Variants in FHOD3 observed in about 807,000 individuals in gnomAD.
FHOD3 encodes FH1/FH2 domain-containing protein 3.
Under a neutral mutation model 173.0 loss-of-function variants are expected in FHOD3, and 90 were observed. That is an observed-to-expected ratio of 0.52 (90% CI 0.44 to 0.62). The LOEUF (loss-of-function observed/expected upper bound fraction) is 0.62. Ranked by LOEUF, FHOD3 falls within the 20% of genes least tolerant of loss-of-function variation. FHOD3 has a pLI of 0.00. For synonymous variants in FHOD3, 828 were observed against 823.0 expected (o/e 1.01, Z -0.10); for missense variants, 1,945 against 2,034.7 (o/e 0.96, Z 0.85).
chr18:36,593,087 C>G (rs1406345476), intron 6 of FHOD3, among the ~76,000 whole-genome samples: 1 of 152,202 alleles, frequency 6.6e-6, no homozygotes, highest in Non-Finnish European at 1.5e-5. Flanking sequence ...AGGAGCCACT[C>G]AGGAGACTTT....
At chr18:36,410,009 A>G (rs2049272967) in intron 3 of FHOD3, among the ~76,000 whole-genome samples, 1 of 152,224 alleles carries the variant, frequency 6.6e-6, no homozygotes. Flanking sequence ...AGGGCTTTAC[A>G]AGCTGTAATT....
intron 3 of FHOD3, among the ~76,000 whole-genome samples, chr18:36,412,690 T>G (rs993337810): frequency 2.0e-5 from 3 of 152,232 alleles, no homozygotes; most frequent in Non-Finnish European, 4.4e-5. Flanking sequence ...TTTGCTACAA[T>G]CATTTCAGGC....
Position 36,355,570 on chromosome 18 carries a change from A to G in FHOD3, c.197A>G (p.Asn66Ser), listed in dbSNP as rs375600648. 2.7e-5 allele frequency: 44 copies of G among 1,614,010 alleles called. No homozygotes were observed. Among genetic ancestry groups the G allele is most frequent in the Non-Finnish European group, 8.5e-6 (10 of 1,179,998 alleles). ...GACTGTACTCTGCAGCTCTCTCACA[A>G]TGGCGCCTACCTGGATTTGGAGGCC... Reference protein sequence around the residue: ...LDDCTLQLSHNGAYLDLEATL... With the variant: ...LDDCTLQLSHSGAYLDLEATL... Residue 66 changes from asparagine (N) to serine (S), a missense_variant, in exon 2 of 29, where the codon AAT (asparagine) becomes AGT (serine). Around this residue, in one of 5 missense-constraint regions of FHOD3, gnomAD observed 245 missense variants for 267.7 expected, o/e 0.92. Transcript: ENST00000590592.
rs192480936 is a variant in FHOD3 at position 36,561,676 on chromosome 18, C to G, written c.512-14775C>G. Reference sequence around the variant, plus strand: ...TTATTTCTAAAATGTTTTCATCACCCCAAACAGAAATTATATACCCATTAG... The same window carrying G: ...TTATTTCTAAAATGTTTTCATCACCGCAAACAGAAATTATATACCCATTAG... On this transcript the variant is annotated intron_variant, in intron 5 of 28. Coordinates refer to ENST00000590592, the MANE Select transcript of FHOD3 (RefSeq NM_001281740.3). Among the ~76,000 whole-genome samples the G allele has an allele frequency of 1.8e-4, 27 of 152,134 alleles. 1 individual carries two copies. Among genetic ancestry groups the G allele is most frequent in the Admixed American group, 1.6e-3 (24 of 15,290 alleles).
chr18:36,557,537 C>T (rs1409584439), intron 5 of FHOD3, among the ~76,000 whole-genome samples: 1 of 152,140 alleles, frequency 6.6e-6, no homozygotes, highest in African/African-American at 2.4e-5. Context: ...TTTGAATATA[C>T]AGAATACTTT....
At chr18:36,440,385 C>T (rs1192441239) in intron 3 of FHOD3, among the ~76,000 whole-genome samples, 1 of 152,224 alleles carries the variant, frequency 6.6e-6, no homozygotes, top group African/African-American at 2.4e-5. Flanking sequence ...GGCTGCTGAT[C>T]TCCCACTCCC....
chr18:36,636,192 G>A (rs891082646), intron 10 of FHOD3, among the ~76,000 whole-genome samples: 3 of 152,120 alleles, frequency 2.0e-5, no homozygotes, highest in African/African-American at 7.2e-5. Context: ...TCTAAGGCTC[G>A]ATTTTTGCTG....
chr18:36,611,697 C>G (rs375559808), intron 8 of FHOD3, among the ~76,000 whole-genome samples: 8 of 152,272 alleles, frequency 5.3e-5, no homozygotes, highest in African/African-American at 1.7e-4. Context: ...GGAGTGCCCC[C>G]CTCTCATGGG....
intron 3 of FHOD3, among the ~76,000 whole-genome samples, chr18:36,495,689 T>C (rs527243320): frequency 6.6e-6 from 1 of 152,274 alleles, no homozygotes; most frequent in South Asian, 2.1e-4. Flanking sequence ...GGAGGGTCAG[T>C]GGACCTGCAA....
intron 9 of FHOD3, among the ~76,000 whole-genome samples, chr18:36,620,753 T>G (rs938238529): frequency 2.0e-5 from 3 of 152,290 alleles, no homozygotes; most frequent in African/African-American, 4.8e-5. Flanking sequence ...TAACTCAAGC[T>G]GTGACAACTG....
At chr18:36,342,327 A>G (rs2045664257) in intron 1 of FHOD3, among the ~76,000 whole-genome samples, 1 of 152,126 alleles carries the variant, frequency 6.6e-6, no homozygotes, top group African/African-American at 2.4e-5. Flanking sequence ...AATTTTCTAA[A>G]ATCAACAAAT....
intron 1 of FHOD3, among the ~76,000 whole-genome samples, chr18:36,311,546 A>G (rs560717235): frequency 1.3e-5 from 2 of 152,246 alleles, no homozygotes; most frequent in Non-Finnish European, 1.5e-5. Context: ...TATTTTTTGT[A>G]TGTCACAGGA....
chr18:36,364,796 A>G (rs2046815311), intron 2 of FHOD3, among the ~76,000 whole-genome samples: 2 of 152,218 alleles, frequency 1.3e-5, no homozygotes. Flanking sequence ...GACATTTCAA[A>G]GAATGGGCGG....
intron 26 of FHOD3, among the ~76,000 whole-genome samples, 153 bp downstream of exon 26, chr18:36,759,294 A>G (rs1186016693): frequency 6.6e-6 from 1 of 152,168 alleles, no homozygotes; most frequent in African/African-American, 2.4e-5. Context: ...GTGATCACTA[A>G]CCACCTGACA....
intron 7 of FHOD3, among the ~76,000 whole-genome samples, chr18:36,600,125 TAGG>T (rs1568477900): frequency 6.6e-6 from 1 of 152,100 alleles, no homozygotes; most frequent in Non-Finnish European, 1.5e-5. Flanking sequence ...CCAGAGGCCT[TAGG>T]AGCTCCAGAT....
At chr18:36,576,147 C>A (rs933211557) in intron 5 of FHOD3, among the ~76,000 whole-genome samples, 1 of 152,182 alleles carries the variant, frequency 6.6e-6, no homozygotes, top group Non-Finnish European at 1.5e-5. Context: ...TCTGGGACTA[C>A]ACACAGATAT....
chr18:36,472,569 C>T (rs1271104916), intron 3 of FHOD3, among the ~76,000 whole-genome samples: 2 of 152,188 alleles, frequency 1.3e-5, no homozygotes, highest in Non-Finnish European at 2.9e-5. Flanking sequence ...TCCTCATCCC[C>T]ATCTTTTCCT....
chr18:36,319,203 T>C (rs796584246), intron 1 of FHOD3, among the ~76,000 whole-genome samples: 3 of 152,200 alleles, frequency 2.0e-5, no homozygotes, highest in African/African-American at 7.2e-5. Context: ...CAAGACCCAT[T>C]GGTGTGCTGA....
At chr18:36,400,159 G>C (rs1049806633) in intron 3 of FHOD3, among the ~76,000 whole-genome samples, 1 of 152,054 alleles carries the variant, frequency 6.6e-6, no homozygotes, top group African/African-American at 2.4e-5. Context: ...TAGTTTTCAA[G>C]GTTTATTTTT....
Sources: gnomAD v4.1 joint callset for allele counts (sites outside exome capture counted in the v4.1 genomes callset) on GRCh38, gnomAD v4.1.1 for gene constraint, gnomAD v4.1.1 regional missense constraint, MANE v1.5 for transcripts, NCBI Gene and HGNC (gene_info 2026-07-23, HGNC 2026-07-21) for gene names.